LRRC49: variants seen among roughly 807,000 people sequenced by gnomAD.
LRRC49 encodes leucine rich repeat containing 49.
In LRRC49, 50 loss-of-function variants were observed where a neutral mutation model predicts 83.3. The observed-to-expected ratio is 0.60, with a 90% CI of 0.48 to 0.76. The LOEUF (loss-of-function observed/expected upper bound fraction) is 0.76. Among genes scored for constraint, LRRC49 ranks in the 30% least tolerant of loss-of-function variants. LRRC49 has a pLI of 0.00. For synonymous variants in LRRC49, 286 were observed against 283.3 expected, an observed-to-expected ratio of 1.01 and a Z score of -0.10; for missense variants, 704 against 809.1, an observed-to-expected ratio of 0.87 and a Z score of 1.58.
At chr15:70,900,612 A>T (rs2034031302) in intron 3 of LRRC49, 1 of 464,984 alleles carries the variant, frequency 2.2e-6, no homozygotes, top group Middle Eastern at 3.2e-4. Flanking sequence ...TTAGTTATAG[A>T]CAGTTAGAAT....
At chr15:70,912,549 T>C (rs1465604439) in intron 6 of LRRC49, among the ~76,000 whole-genome samples, 3 of 152,146 alleles carry the variant, frequency 2.0e-5, no homozygotes, top group Non-Finnish European at 2.9e-5. Flanking sequence ...ATTGAATTGG[T>C]ATAAAGTGGT....
chr15:70,865,081 C>T (rs1306549688), intron 1 of LRRC49, among the ~76,000 whole-genome samples: 1 of 152,114 alleles, frequency 6.6e-6, no homozygotes, highest in Non-Finnish European at 1.5e-5. Flanking sequence ...AAGTTTCTTT[C>T]ATCTTGAACT....
intron 1 of LRRC49, among the ~76,000 whole-genome samples, chr15:70,871,331 G>GAA (rs2033029375): frequency 1.3e-5 from 2 of 152,266 alleles, no homozygotes; most frequent in Admixed American, 6.5e-5. Context: ...AGAACAAAAT[G>GAA]GAGTCTCCCA....
At chr15:70,960,937 T>C (rs2036582009) in intron 8 of LRRC49, among the ~76,000 whole-genome samples, 1 of 152,116 alleles carries the variant, frequency 6.6e-6, no homozygotes, top group Non-Finnish European at 1.5e-5. Flanking sequence ...AAGTTGGGCA[T>C]CATTAAAATT....
intron 6 of LRRC49, among the ~76,000 whole-genome samples, chr15:70,917,722 C>T (rs1596018054): frequency 1.3e-5 from 2 of 152,270 alleles, no homozygotes; most frequent in East Asian, 3.9e-4. Context: ...GGAGCTGCTC[C>T]CTGTGGGTTT....
In LRRC49 at chr15:70,910,280, CTG is replaced by C. The variant is rs371376667; in HGVS notation, c.501-1251_501-1250del. ...AATTCTTGATTTGGCAATGATATAACTGAGATAAAGTGGAGACAGAAATTAAT... is the reference window on the plus strand; with the variant it reads ...AATTCTTGATTTGGCAATGATATAACAGATAAAGTGGAGACAGAAATTAAT... On this transcript the variant is annotated intron_variant, in intron 5 of 15. Transcript: ENST00000260382. 1.3e-4 allele frequency among the ~76,000 whole-genome samples: 20 copies of C among 152,104 alleles called. 1 individual carries two copies. Among genetic ancestry groups the C allele is most frequent in the African/African-American group, 4.8e-4 (20 of 41,474 alleles).
At chr15:70,969,816 G>A (rs2036928706) in intron 9 of LRRC49, among the ~76,000 whole-genome samples, 1 of 151,944 alleles carries the variant, frequency 6.6e-6, no homozygotes, top group Non-Finnish European at 1.5e-5. Context: ...GTGATTTTTG[G>A]ATATTGATTT....
chr15:70,947,978 G>C (rs756298233), intron 8 of LRRC49, among the ~76,000 whole-genome samples: 9 of 152,086 alleles, frequency 5.9e-5, no homozygotes, highest in Non-Finnish European at 1.2e-4. Context: ...AGGGAAGTTG[G>C]GAAAGAAGAT....
At chr15:70,937,817 GA>G (rs1279520568) in intron 8 of LRRC49, among the ~76,000 whole-genome samples, 1 of 151,958 alleles carries the variant, frequency 6.6e-6, no homozygotes, top group Non-Finnish European at 1.5e-5. Flanking sequence ...TCTTCTGTGG[GA>G]AAAAATATTA....
At chr15:71,048,493 A>C (rs181429983) in intron 15 of LRRC49, among the ~76,000 whole-genome samples, 7 of 152,102 alleles carry the variant, frequency 4.6e-5, no homozygotes, top group Admixed American at 2.6e-4. Context: ...CTAGTAGTTA[A>C]ATGTATTGTC....
intron 1 of LRRC49, among the ~76,000 whole-genome samples, chr15:70,867,305 C>T (rs1017823992): frequency 1.3e-5 from 2 of 152,078 alleles, no homozygotes; most frequent in Non-Finnish European, 2.9e-5. Context: ...AAAGAACTTC[C>T]TGTGAAGAAG....
rs1253228341 is a variant in LRRC49, at chr15:71,052,880, A to G, written c.*3268A>G. 6.6e-6 allele frequency: 1 copy of G among 152,218 alleles called. No homozygotes were observed. The highest frequency in any genetic ancestry group is 1.5e-5 in the Non-Finnish European group (1 of 68,046). 9.4% of individuals were successfully genotyped at this position (152,218 alleles called of 1,614,324 possible). On this transcript the variant is annotated 3_prime_UTR_variant, in exon 16 of 16. Coordinates refer to ENST00000260382, the MANE Select transcript of LRRC49 (RefSeq NM_017691.5). ...TGATGTCCATGGTCGTTCCTAATCC[A>G]CTTTCATGTTTTGTCATTATGCTGA... is the stretch of plus-strand genomic sequence containing the variant.
chr15:70,949,169 T>G (rs2036121670), intron 8 of LRRC49, among the ~76,000 whole-genome samples: 1 of 152,216 alleles, frequency 6.6e-6, no homozygotes, highest in Non-Finnish European at 1.5e-5. Context: ...ATTTGGCCTG[T>G]GGGCTGTAGT....
intron 11 of LRRC49, among the ~76,000 whole-genome samples, chr15:70,989,615 CCTT>C (rs1304690549): frequency 1.3e-5 from 2 of 152,290 alleles, no homozygotes; most frequent in African/African-American, 4.8e-5. Context: ...TCATCTGAAG[CCTT>C]CTTCTTTCAA....
At chr15:70,889,030 AC>A (rs2141090267), upstream of LRRC49, among the ~76,000 whole-genome samples, 1 of 152,264 alleles carries the variant, frequency 6.6e-6, no homozygotes, top group African/African-American at 2.4e-5. Context: ...ATTTTAGAAA[AC>A]TATTTGGTAT....
intron 14 of LRRC49, among the ~76,000 whole-genome samples, chr15:71,029,108 A>T (rs2039266694): frequency 6.6e-6 from 1 of 152,180 alleles, no homozygotes; most frequent in South Asian, 2.1e-4. Context: ...CCCTCTTAAC[A>T]CTGCTTTAGC....
Position 70,958,877 on chromosome 15 carries a change from A to T in LRRC49, c.774-4908A>T, listed in dbSNP as rs184295085. Among the ~76,000 whole-genome samples the T allele has an allele frequency of 4.8e-3, 726 of 152,304 alleles. 10 individuals are homozygous for T. Among genetic ancestry groups the T allele is most frequent in the African/African-American group, 0.017 (707 of 41,564 alleles). Reference sequence around the variant, plus strand: ...CTTGAGTGTGAGGAAAACATAGAAGAAATATTTAAATATGACAATAAAAGC... The same window carrying T: ...CTTGAGTGTGAGGAAAACATAGAAGTAATATTTAAATATGACAATAAAAGC... On this transcript the variant is annotated intron_variant, in intron 8 of 15. Coordinates refer to ENST00000260382, the MANE Select transcript of LRRC49 (RefSeq NM_017691.5).
At chr15:70,932,222 T>C (rs767450587) in intron 7 of LRRC49, among the ~76,000 whole-genome samples, 10 of 152,298 alleles carry the variant, frequency 6.6e-5, no homozygotes, top group Non-Finnish European at 7.4e-5. Context: ...AACTGCCAAA[T>C]AATGGACTTT....
At chr15:70,998,955 T>TA (rs2141249299) in intron 11 of LRRC49, among the ~76,000 whole-genome samples, 1 of 152,318 alleles carries the variant, frequency 6.6e-6, no homozygotes, top group East Asian at 1.9e-4. Flanking sequence ...TTCTGCCTGC[T>TA]AAAATCTGCT....
Sources: allele counts gnomAD v4.1 joint callset (sites outside exome capture counted in the v4.1 genomes callset), GRCh38; gene constraint gnomAD v4.1.1; transcripts MANE v1.5; gene names NCBI Gene and HGNC (gene_info 2026-07-23, HGNC 2026-07-21).